PSTPIP1: variants seen among roughly 807,000 people sequenced by gnomAD.
PSTPIP1 encodes the protein proline-serine-threonine phosphatase-interacting protein 1.
In PSTPIP1, 66 loss-of-function variants were observed where a neutral mutation model predicts 69.6. That is an observed-to-expected ratio of 0.95 (90% CI 0.78 to 1.16). The LOEUF (loss-of-function observed/expected upper bound fraction) is 1.16. Ranked by LOEUF, PSTPIP1 falls within the 50% of genes most tolerant of loss-of-function variation. The probability of loss-of-function intolerance (pLI) is 0.00; values close to 1 mark genes in which losing one functional copy is unlikely to be tolerated. For missense variants in PSTPIP1, 603 were observed against 557.4 expected (o/e 1.08, Z -0.82); for synonymous variants, 266 against 222.7 (o/e 1.19, Z -1.73).
At chr15:77,031,566 T>TGGGAG (rs2076418214) in intron 10 of PSTPIP1, 1 of 325,384 alleles carries the variant, frequency 3.1e-6, no homozygotes, top group Admixed American at 4.2e-5. Flanking sequence ...CTGCCGGGGA[T>TGGGAG]GGGAGGGGAG....
At chr15:77,000,599 CT>C (rs1197992476) in intron 1 of PSTPIP1, among the ~76,000 whole-genome samples, 4 of 151,888 alleles carry the variant, frequency 2.6e-5, no homozygotes, top group Non-Finnish European at 4.4e-5. Context: ...GAAGAAGCAC[CT>C]TTAGTCTCAT....
At chr15:77,025,442 T>C in intron 4 of PSTPIP1, 56 bp from the exon 5 acceptor site, 4 of 1,587,250 alleles carry the variant, frequency 2.5e-6, no homozygotes, top group Non-Finnish European at 3.4e-6. Flanking sequence ...GAGTTGTGGG[T>C]GGCTGAGGCC....
rs2152685978 is a variant in PSTPIP1, at chr15:77,028,549, C to T, written c.418-5C>T. The T allele has an allele frequency of 1.3e-6, 2 of 1,596,770 alleles. No individual in the cohort carries two copies. Among genetic ancestry groups the T allele is most frequent in the South Asian group, 2.3e-5 (2 of 88,382 alleles). On this transcript the variant is annotated splice_region_variant and splice_polypyrimidine_tract_variant and intron_variant, in intron 6 of 14. Coordinates refer to ENST00000558012, the MANE Select transcript of PSTPIP1 (RefSeq NM_003978.5). ...CCCCCAAGTCACGCCCCTCCACACC[C>T]CCAGTCCAAGAAGACATACGAGCAG...
intron 1 of PSTPIP1, among the ~76,000 whole-genome samples, chr15:77,016,547 C>T (rs777886488): frequency 2.9e-4 from 44 of 152,154 alleles, no homozygotes; most frequent in Non-Finnish European, 4.1e-4. Flanking sequence ...AGGCTAGACA[C>T]GCTGCTTGTT....
chr15:77,032,806 AG>A (rs2076453407), intron 11 of PSTPIP1, 55 bp from the exon 12 acceptor site: 3 of 1,436,688 alleles, frequency 2.1e-6, no homozygotes, highest in Non-Finnish European at 2.8e-6. Flanking sequence ...TGAGTCTGGC[AG>A]GGCCAGAATG....
At chr15:77,014,293 A>G (rs976470869) in intron 1 of PSTPIP1, among the ~76,000 whole-genome samples, 2 of 152,072 alleles carry the variant, frequency 1.3e-5, no homozygotes, top group African/African-American at 4.8e-5. Context: ...GTTCTCACCT[A>G]TGCGCACGAT....
In PSTPIP1 at chr15:77,018,156, C is replaced by G. The variant is rs1295436726; in HGVS notation, c.45C>G (p.Asp15Glu). 1 of 1,580,216 alleles carries G rather than the reference C, an allele frequency of 6.3e-7. No homozygotes were observed. The highest frequency in any genetic ancestry group is 1.8e-5 in the Admixed American group (1 of 54,444). Residue 15 changes from aspartate to glutamate, a missense_variant, in exon 2 of 15, where the codon GAC (aspartate) becomes GAG (glutamate). Asp to Glu is a conservative substitution (Grantham distance 45). Transcript: ENST00000558012. ...TCTGTCCTGTGTCACAGTGCAGGGACTTCACAGCCCACACGGGCTACGAGG... is the reference window on the plus strand; with the variant it reads ...TCTGTCCTGTGTCACAGTGCAGGGAGTTCACAGCCCACACGGGCTACGAGG... Reference protein sequence around the residue: ...LQFKDAFWCRDFTAHTGYEVL... With the variant: ...LQFKDAFWCREFTAHTGYEVL...
At chr15:77,033,934 A>G (rs1305794178) in intron 12 of PSTPIP1, among the ~76,000 whole-genome samples, 1 of 152,198 alleles carries the variant, frequency 6.6e-6, no homozygotes, top group Admixed American at 6.5e-5. Context: ...GTGCCTGGTG[A>G]GGACCTGGAT....
At chr15:77,022,333 G>C (rs2076178417) in intron 3 of PSTPIP1, among the ~76,000 whole-genome samples, 1 of 152,214 alleles carries the variant, frequency 6.6e-6, no homozygotes, top group African/African-American at 2.4e-5. Context: ...AGTGGGGTCA[G>C]AGCAGGAAAC....
chr15:77,036,912 C>T, intron 14 of PSTPIP1, 133 bp from the exon 15 acceptor site: 1 of 1,247,058 alleles, frequency 8.0e-7, no homozygotes, highest in Non-Finnish European at 1.1e-6. Flanking sequence ...ATCCTGTGTC[C>T]CCAAGGGGCT....
At position 77,032,411 on chromosome 15, in the gene PSTPIP1, G is replaced by A. The variant is rs371715620; in HGVS notation, c.838+17G>A. 1.7e-5 allele frequency: 28 copies of A among 1,611,550 alleles called. No homozygotes were observed. Among genetic ancestry groups the A allele is most frequent in the African/African-American group, 9.3e-5 (7 of 74,932 alleles). ...AGCCCCCCGGTGAGGTCCGGCTTGC[G>A]GACAGCGCAGCCTCTAGGTGCATTG... On this transcript the variant is annotated intron_variant, in intron 11 of 14. Transcript: ENST00000558012.
rs187435273 is a variant in PSTPIP1, at chr15:77,012,959, G to A, written c.37-5189G>A. 3.2e-4 allele frequency among the ~76,000 whole-genome samples: 48 copies of A among 152,148 alleles called. 1 individual carries two copies. The highest frequency in any genetic ancestry group is 6.3e-4 in the Non-Finnish European group (43 of 68,030). Reference sequence around the variant, plus strand: ...GAGCTGTGTGTAGGCACCAGGTGCCGGGATCCAGTGGGGAACCTGAAAGAC... The same window carrying A: ...GAGCTGTGTGTAGGCACCAGGTGCCAGGATCCAGTGGGGAACCTGAAAGAC... On this transcript the variant is annotated intron_variant, in intron 1 of 14. Transcript: ENST00000558012.
rs543890947 is a variant in PSTPIP1, at chr15:77,020,878, GGGT to G, written c.212+2349_212+2351del. Reference sequence around the variant, plus strand: ...CATCTTAGACTCCTGTGGGGGGGGGGGGTGTGTGTGTTGGCCCTCAGGAAAGGT... The same window carrying G: ...CATCTTAGACTCCTGTGGGGGGGGGGGTGTGTGTTGGCCCTCAGGAAAGGT... On this transcript the variant is annotated intron_variant, in intron 3 of 14. Transcript: ENST00000558012. 5.9e-3 allele frequency among the ~76,000 whole-genome samples: 855 copies of G among 144,276 alleles called. 46 individuals are homozygous for G. In the East Asian group the frequency reaches 0.11, roughly 18 times the overall value. 94.7% of individuals were successfully genotyped at this position (144,276 alleles called of 152,430 possible). A position where few individuals can be genotyped will look rare whatever the true frequency, so the allele number is the denominator to read the frequency against.
intron 14 of PSTPIP1, among the ~76,000 whole-genome samples, chr15:77,036,267 A>C (rs952849193): frequency 6.6e-5 from 10 of 152,140 alleles, no homozygotes; most frequent in African/African-American, 2.4e-4. Context: ...TGCCGTCCAC[A>C]CAGGCTGGGC....
At position 77,027,989 on chromosome 15, in the gene PSTPIP1, G is replaced by T; in HGVS notation, c.417+75G>T. Reference sequence around the variant, plus strand: ...GTCTCAGGGTGCGATCCTGGGCTGTGGCCCCGGGCAGGGCATTTGGAACAG... The same window carrying T: ...GTCTCAGGGTGCGATCCTGGGCTGTTGCCCCGGGCAGGGCATTTGGAACAG... On this transcript the variant is annotated intron_variant, in intron 6 of 14. Transcript: ENST00000558012. This position sits in a 1 kb window ranked among gnomAD's most constrained non-coding sequence, Gnocchi z 4.3. 7.5e-7 allele frequency: 1 copy of T among 1,332,210 alleles called. No homozygotes were observed. The highest frequency in any genetic ancestry group is 1.3e-5 in the South Asian group (1 of 78,950). The allele number at this position is 1,332,210 out of a possible 1,614,324, so 82.5% of individuals were successfully genotyped here.
intron 12 of PSTPIP1, 26 bp from the exon 13 acceptor site, chr15:77,035,480 ACT>A (rs2076537862): frequency 1.3e-6 from 2 of 1,576,248 alleles, no homozygotes; most frequent in Non-Finnish European, 8.6e-7. Flanking sequence ...GGGCGGGGAC[ACT>A]CACCCTCTTT....
chr15:77,021,410 G>C (rs1247206713), intron 3 of PSTPIP1, among the ~76,000 whole-genome samples: 1 of 152,170 alleles, frequency 6.6e-6, no homozygotes, highest in Non-Finnish European at 1.5e-5. Context: ...ACAGCATTAG[G>C]GCCAGGCGCC....
At chr15:77,003,161 G>A (rs1343678492) in intron 1 of PSTPIP1, among the ~76,000 whole-genome samples, 1 of 152,202 alleles carries the variant, frequency 6.6e-6, no homozygotes, top group African/African-American at 2.4e-5. Context: ...ATGCAAAAGA[G>A]GACAGAGGCT....
At chr15:77,035,637 A>G in intron 13 of PSTPIP1, 74 bp downstream of exon 13, 1 of 1,503,064 alleles carries the variant, frequency 6.7e-7, no homozygotes, top group East Asian at 2.5e-5. Context: ...CATGGCACAG[A>G]TGGGGCCACT....
Sources: gnomAD v4.1 joint callset for allele counts (sites outside exome capture counted in the v4.1 genomes callset) on GRCh38, gnomAD v4.1.1 for gene constraint, Gnocchi (gnomAD v3.1) non-coding constraint, MANE v1.5 for transcripts, NCBI Gene and HGNC (gene_info 2026-07-23, HGNC 2026-07-21) for gene names.